Variants in SEL1L3 observed in about 807,000 individuals in gnomAD.
SEL1L3 encodes the protein protein sel-1 homolog 3.
SEL1L3 carries 76 observed loss-of-function variants against 142.8 expected under a neutral mutation model. That is an observed-to-expected ratio of 0.53 (90% CI 0.44 to 0.64). The LOEUF is 0.64. SEL1L3 is among the 30% of genes least tolerant of loss of function. The probability of loss-of-function intolerance (pLI) is 0.00; values close to 1 mark genes in which losing one functional copy is unlikely to be tolerated. For missense variants in SEL1L3, 1,262 were observed against 1,381.7 expected (o/e 0.91, Z 1.37); for synonymous variants, 504 against 519.6 (o/e 0.97, Z 0.41).
intron 13 of SEL1L3, among the ~76,000 whole-genome samples, chr4:25,786,200 T>C (rs1711813126): frequency 6.6e-6 from 1 of 152,134 alleles, no homozygotes; most frequent in Non-Finnish European, 1.5e-5. Flanking sequence ...CTTGGTACCA[T>C]CTTTGCATAA....
At chr4:25,811,274 A>G (rs1714000618) in intron 9 of SEL1L3, among the ~76,000 whole-genome samples, 1 of 152,208 alleles carries the variant, frequency 6.6e-6, no homozygotes, top group South Asian at 2.1e-4. Context: ...GAGTGTGCAC[A>G]GACCTGAGCA....
intron 1 of SEL1L3, chr4:25,861,970 G>A (rs1186547334): frequency 6.6e-6 from 1 of 152,220 alleles, no homozygotes; most frequent in Non-Finnish European, 1.5e-5. Context: ...CAGAAGCCAA[G>A]AAGTGTGCAA....
Position 25,851,814 on chromosome 4 carries a change from G to A in SEL1L3, c.163-3950C>T, listed in dbSNP as rs138179407. 2.9e-3 allele frequency among the ~76,000 whole-genome samples: 433 copies of A among 151,446 alleles called. 2 individuals are homozygous for A. The highest frequency in any genetic ancestry group is 8.3e-3 in the African/African-American group (343 of 41,212). ...TGAGGCAGGAGAATTGCTTGAACCC[G>A]GGAGGCAGAGGTTGCAGTGAGCCGA... On this transcript the variant is annotated intron_variant, in intron 1 of 23. Coordinates refer to ENST00000399878, the MANE Select transcript of SEL1L3 (RefSeq NM_015187.5).
In SEL1L3 at chr4:25,840,392, A is replaced by AT. The variant is rs545256390; in HGVS notation, c.734-5070dup. 5.1e-4 allele frequency among the ~76,000 whole-genome samples: 78 copies of AT among 152,126 alleles called. 1 individual carries two copies. In the South Asian group the frequency reaches 7.5e-3, roughly 15 times the overall value. The stretch of plus-strand genomic sequence containing the variant: ...CTTGAATAGTCCTGCTGCATAAACC[A>AT]TTTTTTTTCACAAAGACAAGTCAAG... On this transcript the variant is annotated intron_variant, in intron 2 of 23. Coordinates refer to ENST00000399878, the MANE Select transcript of SEL1L3 (RefSeq NM_015187.5).
intron 7 of SEL1L3, 52 bp downstream of exon 7, chr4:25,821,944 C>T: frequency 6.3e-7 from 1 of 1,583,870 alleles, no homozygotes; most frequent in Admixed American, 1.8e-5. Flanking sequence ...ACCCCTGAGG[C>T]CCACACCCAT....
At chr4:25,768,243 C>T (rs1718896851) in intron 17 of SEL1L3, among the ~76,000 whole-genome samples, 1 of 152,128 alleles carries the variant, frequency 6.6e-6, no homozygotes, top group African/African-American at 2.4e-5. Context: ...TCTGAACAAG[C>T]TTAATTAAAG....
chr4:25,760,096 G>A (rs751426130), intron 20 of SEL1L3: 5 of 151,970 alleles, frequency 3.3e-5, no homozygotes, highest in Admixed American at 1.3e-4. Context: ...CCACCCTTAG[G>A]TGTAGTGTCT....
intron 11 of SEL1L3, among the ~76,000 whole-genome samples, chr4:25,797,958 A>T (rs1301307791): frequency 6.6e-6 from 1 of 152,200 alleles, no homozygotes; most frequent in Non-Finnish European, 1.5e-5. Context: ...AGAGGGGGTG[A>T]CATCTGAGCA....
chr4:25,766,250 C>T (rs1408820763), intron 19 of SEL1L3, among the ~76,000 whole-genome samples: 1 of 152,050 alleles, frequency 6.6e-6, no homozygotes, highest in Non-Finnish European at 1.5e-5. Context: ...ACCAGCCTGG[C>T]TAACATGGTG....
chr4:25,774,139 T>C (rs1719433757), intron 17 of SEL1L3, among the ~76,000 whole-genome samples: 1 of 152,026 alleles, frequency 6.6e-6, no homozygotes, highest in Non-Finnish European at 1.5e-5. Flanking sequence ...TCATGATCCA[T>C]GGAAGAACAA....
chr4:25,808,051 C>T (rs1037532520), intron 9 of SEL1L3, among the ~76,000 whole-genome samples: 2 of 152,106 alleles, frequency 1.3e-5, no homozygotes, highest in Non-Finnish European at 2.9e-5. Flanking sequence ...CTTTGAATTC[C>T]AACTGTTGCT....
Position 25,847,818 on chromosome 4 carries a change from A to C in SEL1L3, c.209T>G (p.Val70Gly). ...LGRQTSLTTS[V>G]IPKAEQSVAY... Reference sequence around the variant, plus strand: ...CACGCTCTGCTCAGCTTTGGGTATCACTGATGTCGTCAGGGAAGTCTGCCT... The same window carrying C: ...CACGCTCTGCTCAGCTTTGGGTATCCCTGATGTCGTCAGGGAAGTCTGCCT... Residue 70 changes from valine to glycine, a missense_variant, in exon 2 of 24, where the codon GTG becomes GGG. This residue lies in a region of SEL1L3 where 689 missense variants were observed against 692.8 expected (regional missense o/e 0.99). Transcript: ENST00000399878. 6.2e-7 allele frequency: 1 copy of C among 1,604,488 alleles called. No homozygotes were observed. Among genetic ancestry groups the C allele is most frequent in the East Asian group, 2.2e-5 (1 of 44,790 alleles).
chr4:25,837,108 C>T (rs1715880677), intron 2 of SEL1L3, among the ~76,000 whole-genome samples: 1 of 151,594 alleles, frequency 6.6e-6, no homozygotes, highest in Admixed American at 6.6e-5. Context: ...CAATTTGGGC[C>T]CACTGGACTT....
chr4:25,826,706 T>C (rs988498120), intron 6 of SEL1L3, among the ~76,000 whole-genome samples: 3 of 152,186 alleles, frequency 2.0e-5, no homozygotes, highest in Non-Finnish European at 2.9e-5. Flanking sequence ...TTTGTTTGTT[T>C]TGTGGCAGGG....
intron 9 of SEL1L3, among the ~76,000 whole-genome samples, chr4:25,805,232 A>G (rs1163899111): frequency 1.3e-5 from 2 of 152,234 alleles, no homozygotes; most frequent in Non-Finnish European, 1.5e-5. Flanking sequence ...TGGGTCTCCA[A>G]ATAAAAAGAA....
chr4:25,764,205 C>T (rs1310198798), intron 20 of SEL1L3, among the ~76,000 whole-genome samples: 1 of 152,102 alleles, frequency 6.6e-6, no homozygotes, highest in African/African-American at 2.4e-5. Context: ...CTTCAAGTAT[C>T]AAGAGTCATG....
chr4:25,805,152 C>G (rs116527501), intron 9 of SEL1L3, among the ~76,000 whole-genome samples: 10 of 152,150 alleles, frequency 6.6e-5, no homozygotes, highest in African/African-American at 2.4e-4. Flanking sequence ...AGGTACTGCT[C>G]TAAAAAGTTG....
intron 1 of SEL1L3, among the ~76,000 whole-genome samples, chr4:25,852,709 G>A (rs918657951): frequency 6.6e-6 from 1 of 152,192 alleles, no homozygotes; most frequent in Non-Finnish European, 1.5e-5. Context: ...ACATGCAGAG[G>A]TGTATTAAAT....
At chr4:25,842,648 C>T (rs1716244464) in intron 2 of SEL1L3, among the ~76,000 whole-genome samples, 1 of 152,236 alleles carries the variant, frequency 6.6e-6, no homozygotes, top group Non-Finnish European at 1.5e-5. Context: ...CCTCATGTGG[C>T]AACACAGCCC....
Sources: allele counts gnomAD v4.1 joint callset (sites outside exome capture counted in the v4.1 genomes callset), GRCh38; gene constraint gnomAD v4.1.1; regional missense constraint gnomAD v4.1.1; transcripts MANE v1.5; gene names NCBI Gene and HGNC (gene_info 2026-07-23, HGNC 2026-07-21).